TENM2: variants seen among roughly 807,000 people sequenced by gnomAD.
TENM2 encodes teneurin transmembrane protein 2.
In TENM2, 52 loss-of-function variants were observed where a neutral mutation model predicts 245.2. The ratio of observed to expected loss-of-function variants is 0.21; its 90% CI spans 0.17 to 0.27. The LOEUF (loss-of-function observed/expected upper bound fraction) is 0.27. Among genes scored for constraint, TENM2 ranks in the 10% least tolerant of loss-of-function variants. The pLI is 1.00. For missense variants in TENM2, 3,046 were observed against 3,666.8 expected, an observed-to-expected ratio of 0.83 and a Z score of 4.37; for synonymous variants, 1,363 against 1,438.9, an observed-to-expected ratio of 0.95 and a Z score of 1.19.
At chr5:167,945,703 T>C (rs753142474) in intron 3 of TENM2, among the ~76,000 whole-genome samples, 2 of 152,340 alleles carry the variant, frequency 1.3e-5, no homozygotes, top group South Asian at 4.1e-4. Context: ...TCGGAATGTT[T>C]TTCTCTGAGG....
At position 167,869,436 on chromosome 5, in the gene TENM2, C is replaced by T. The variant is rs181323762; in HGVS notation, c.503-6550C>T. 9.8e-5 allele frequency among the ~76,000 whole-genome samples: 15 copies of T among 152,332 alleles called. 1 individual carries two copies. Among genetic ancestry groups the T allele is most frequent in the East Asian group, 7.7e-4 (4 of 5,192 alleles). On this transcript the variant is annotated intron_variant, in intron 2 of 28. Transcript: ENST00000518659. Reference sequence around the variant, plus strand: ...TTCTTACCTTTGGGTATGTTATTCACGTCCCAGAGTCTCTATACTTGTTGA... The same window carrying T: ...TTCTTACCTTTGGGTATGTTATTCATGTCCCAGAGTCTCTATACTTGTTGA...
chr5:168,075,066 G>GT (rs1358336846), intron 7 of TENM2, among the ~76,000 whole-genome samples: 1 of 152,074 alleles, frequency 6.6e-6, no homozygotes, highest in African/African-American at 2.4e-5. Context: ...CCAATGTGTA[G>GT]TTTTTTTATC....
intron 2 of TENM2, among the ~76,000 whole-genome samples, chr5:167,515,322 A>C (rs1434561126): frequency 6.6e-6 from 1 of 152,126 alleles, no homozygotes; most frequent in Non-Finnish European, 1.5e-5. Context: ...TATATATGTA[A>C]GTGTCTTTGC....
At chr5:167,559,744 G>A (rs116757134) in intron 2 of TENM2, among the ~76,000 whole-genome samples, 49 of 152,260 alleles carry the variant, frequency 3.2e-4, no homozygotes, top group African/African-American at 1.2e-3. Flanking sequence ...ATTTTGGAGA[G>A]AAAGAAGTCT....
intron 2 of TENM2, among the ~76,000 whole-genome samples, chr5:167,512,873 G>T (rs536304308): frequency 6.6e-6 from 1 of 152,184 alleles, no homozygotes; most frequent in African/African-American, 2.4e-5. Flanking sequence ...TTGCAGTAGC[G>T]TTTCTTTCTT....
intron 2 of TENM2, among the ~76,000 whole-genome samples, chr5:167,631,198 A>G (rs944126402): frequency 2.6e-5 from 4 of 152,320 alleles, no homozygotes; most frequent in South Asian, 4.1e-4. Flanking sequence ...CTTGGCGATA[A>G]GTAAACACAA....
chr5:166,989,063 A>C, the TENM2 span, among the ~76,000 whole-genome samples: 1 of 151,950 alleles, frequency 6.6e-6, no homozygotes, highest in South Asian at 2.1e-4. Context: ...GAAAGTCAAC[A>C]AAACAGATTA....
intron 1 of TENM2, among the ~76,000 whole-genome samples, chr5:167,358,313 A>G (rs1308113562): frequency 6.6e-6 from 1 of 152,146 alleles, no homozygotes; most frequent in Non-Finnish European, 1.5e-5. Context: ...CTATGTTGCT[A>G]CATCATAATT....
intron 27 of TENM2, among the ~76,000 whole-genome samples, chr5:168,259,447 G>C (rs1033215918): frequency 6.6e-6 from 1 of 152,212 alleles, no homozygotes; most frequent in Non-Finnish European, 1.5e-5. Context: ...AATTAGCCAG[G>C]TGTGGTGGCG....
intron 2 of TENM2, among the ~76,000 whole-genome samples, chr5:167,846,516 G>T (rs1770054347): frequency 6.6e-6 from 1 of 152,188 alleles, no homozygotes; most frequent in South Asian, 2.1e-4. Flanking sequence ...AAGCCTAGAA[G>T]TGCTGGGGAG....
chr5:167,036,243 C>T, the TENM2 span, among the ~76,000 whole-genome samples: 1,419 of 152,168 alleles, frequency 9.3e-3, 23 homozygotes, highest in African/African-American at 0.032. Flanking sequence ...GGCCCTGAGA[C>T]GGGGTCCAGC....
At chr5:167,027,084 A>T in the TENM2 span, among the ~76,000 whole-genome samples, 3 of 152,208 alleles carry the variant, frequency 2.0e-5, no homozygotes, top group South Asian at 2.1e-4. Context: ...GAGACTCTTC[A>T]AGGACTTATG....
chr5:167,564,764 C>T (rs560545611), intron 2 of TENM2, among the ~76,000 whole-genome samples: 1 of 152,208 alleles, frequency 6.6e-6, no homozygotes, highest in African/African-American at 2.4e-5. Context: ...TTTTCATCTT[C>T]TAGGAGGCCA....
In TENM2 at chr5:167,828,581, A is replaced by G. The variant is rs551939922; in HGVS notation, c.503-47405A>G. ...ATTTGTTTAATGAGTCCTTGAACTC[A>G]TGTGTTCACTATTTGCTGTCTGTAG... On this transcript the variant is annotated intron_variant, in intron 2 of 28. Transcript: ENST00000518659. 1.6e-3 allele frequency among the ~76,000 whole-genome samples: 241 copies of G among 152,310 alleles called. 2 individuals are homozygous for G. Among genetic ancestry groups the G allele is most frequent in the Non-Finnish European group, 6.6e-4 (45 of 68,028 alleles).
chr5:168,138,252 C>A (rs887027938), intron 12 of TENM2, among the ~76,000 whole-genome samples: 2 of 152,144 alleles, frequency 1.3e-5, no homozygotes, highest in Non-Finnish European at 2.9e-5. Flanking sequence ...CTTCAATAAG[C>A]CTCAGTTTTT....
chr5:167,598,077 A>C (rs1200903002), intron 2 of TENM2, among the ~76,000 whole-genome samples: 1 of 152,218 alleles, frequency 6.6e-6, no homozygotes, highest in Non-Finnish European at 1.5e-5. Flanking sequence ...CCAGTGAAGC[A>C]TGAAGGAGTG....
rs562181572 is a variant in TENM2, at chr5:168,043,244, T to C, written c.1187-4183T>C. Reference sequence around the variant, plus strand: ...CTCTGAGGTTTCTCAGCTTTCTTTTTTTTTTTTTAACTAATTAAATTTTTG... The same window carrying C: ...CTCTGAGGTTTCTCAGCTTTCTTTTCTTTTTTTTAACTAATTAAATTTTTG... On this transcript the variant is annotated intron_variant, in intron 5 of 28. Coordinates refer to ENST00000518659, the Ensembl canonical transcript of TENM2. Among the ~76,000 whole-genome samples, 123 of 152,230 alleles carry C rather than the reference T, an allele frequency of 8.1e-4. 1 individual carries two copies. Among genetic ancestry groups the C allele is most frequent in the African/African-American group, 2.7e-3 (113 of 41,562 alleles).
intron 3 of TENM2, among the ~76,000 whole-genome samples, chr5:167,924,298 G>A (rs767014047): frequency 1.3e-5 from 2 of 152,290 alleles, no homozygotes; most frequent in East Asian, 1.9e-4. Flanking sequence ...TGTCAGTGTC[G>A]TGGGGACCAG....
At chr5:168,007,000 C>T (rs1329188272) in intron 5 of TENM2, among the ~76,000 whole-genome samples, 6 of 152,134 alleles carry the variant, frequency 3.9e-5, no homozygotes, top group African/African-American at 1.2e-4. Context: ...CATCAACAGG[C>T]CCAAGCTTAT....
Sources: gnomAD v4.1 joint callset for allele counts (sites outside exome capture counted in the v4.1 genomes callset) on GRCh38, gnomAD v4.1.1 for gene constraint, MANE v1.5 for transcripts, NCBI Gene and HGNC (gene_info 2026-07-23, HGNC 2026-07-21) for gene names.